Variants in MELK observed in about 807,000 individuals in gnomAD.
MELK encodes maternal embryonic leucine zipper kinase, also known as pEg3 kinase.
In MELK, 81 loss-of-function variants were observed where a neutral mutation model predicts 85.0. The observed-to-expected ratio is 0.95, with a 90% CI of 0.80 to 1.15. MELK has a LOEUF of 1.15. Ranked by LOEUF, MELK falls within the 50% of genes most tolerant of loss-of-function variation. The pLI is 0.00. For missense variants in MELK, 754 were observed against 777.5 expected, an observed-to-expected ratio of 0.97 and a Z score of 0.36; for synonymous variants, 252 against 265.0, an observed-to-expected ratio of 0.95 and a Z score of 0.48.
chr9:36,574,243 C>G (rs1451164640), intron 1 of MELK, among the ~76,000 whole-genome samples: 1 of 151,870 alleles, frequency 6.6e-6, no homozygotes, highest in Non-Finnish European at 1.5e-5. Flanking sequence ...GAAGCCTTTG[C>G]AAGGGAGCAG....
At position 36,593,232 on chromosome 9, in the gene MELK, T is replaced by C. The variant is rs543528203; in HGVS notation, c.262-1396T>C. Among the ~76,000 whole-genome samples the C allele has an allele frequency of 1.4e-3, 217 of 151,798 alleles. 1 individual carries two copies. Among genetic ancestry groups the C allele is most frequent in the African/African-American group, 5.0e-3 (208 of 41,364 alleles). Reference sequence around the variant, plus strand: ...GAATTCCATTCCGTGTCATAGTTTATATAGTATCAGCATTTAGGTCTGAAT... The same window carrying C: ...GAATTCCATTCCGTGTCATAGTTTACATAGTATCAGCATTTAGGTCTGAAT... On this transcript the variant is annotated intron_variant, in intron 4 of 17. Transcript: ENST00000298048.
intron 1 of MELK, among the ~76,000 whole-genome samples, chr9:36,576,887 G>C (rs1587293532): frequency 6.6e-6 from 1 of 152,274 alleles, no homozygotes; most frequent in Non-Finnish European, 1.5e-5. Flanking sequence ...ATGATTCATG[G>C]AATCAGTGTT....
intron 5 of MELK, among the ~76,000 whole-genome samples, chr9:36,596,563 G>GTTT (rs750016508): frequency 9.4e-6 from 1 of 106,134 alleles, no homozygotes; most frequent in African/African-American, 5.1e-5. Flanking sequence ...GGCCCTTTTT[G>GTTT]TTTTTTTTGT....
intron 13 of MELK, among the ~76,000 whole-genome samples, chr9:36,658,261 C>T (rs1382734238): frequency 6.6e-6 from 1 of 152,008 alleles, no homozygotes; most frequent in Non-Finnish European, 1.5e-5. Context: ...TTCTGGTACT[C>T]CCCTTCCATG....
intron 8 of MELK, among the ~76,000 whole-genome samples, chr9:36,616,321 A>T (rs568873671): frequency 4.0e-5 from 6 of 150,456 alleles, no homozygotes; most frequent in Non-Finnish European, 5.9e-5. Context: ...CATGGATTGG[A>T]TGAGGGGAGT....
chr9:36,629,728 A>G (rs1828329887), intron 8 of MELK, among the ~76,000 whole-genome samples: 1 of 151,198 alleles, frequency 6.6e-6, no homozygotes, highest in South Asian at 2.1e-4. Context: ...GCTGTATGAC[A>G]TTTTTGTTTT....
chr9:36,616,076 CGGCGCGGTG>C (rs1403884866), intron 8 of MELK, among the ~76,000 whole-genome samples: 2 of 152,078 alleles, frequency 1.3e-5, no homozygotes, highest in Non-Finnish European at 2.9e-5. Context: ...CGGCGCTCGC[CGGCGCGGTG>C]GCAAAGAAAA....
chr9:36,649,873 C>T (rs140741125), intron 11 of MELK, among the ~76,000 whole-genome samples: 5,238 of 152,176 alleles, frequency 0.034, 295 homozygotes, highest in African/African-American at 0.12. Context: ...TTGGTTGAGG[C>T]CAGGAGTTCA....
chr9:36,610,290 A>C (rs565204316), intron 8 of MELK, among the ~76,000 whole-genome samples: 14 of 152,354 alleles, frequency 9.2e-5, no homozygotes, highest in African/African-American at 3.4e-4. Flanking sequence ...CACTGAGTTC[A>C]ATCTTCAACT....
At chr9:36,624,493 C>T (rs1321507400) in intron 8 of MELK, among the ~76,000 whole-genome samples, 1 of 152,178 alleles carries the variant, frequency 6.6e-6, no homozygotes. Flanking sequence ...CATTCCTGTT[C>T]CAATGTGCCA....
At chr9:36,628,771 C>G (rs984139309) in intron 8 of MELK, among the ~76,000 whole-genome samples, 2 of 151,498 alleles carry the variant, frequency 1.3e-5, no homozygotes, top group Non-Finnish European at 2.9e-5. Flanking sequence ...ATATATTACT[C>G]TTTATAGTTG....
At position 36,655,896 on chromosome 9, in the gene MELK, A is replaced by G. The variant is rs536204139; in HGVS notation, c.1054-1345A>G. Reference sequence around the variant, plus strand: ...TATTGTCTGTTTGAATAGTCTAGGTATGAGAAGATTTGTCCTTGATCTAGG... The same window carrying G: ...TATTGTCTGTTTGAATAGTCTAGGTGTGAGAAGATTTGTCCTTGATCTAGG... On this transcript the variant is annotated intron_variant, in intron 12 of 17. Transcript: ENST00000298048. Among the ~76,000 whole-genome samples, 4 of 152,296 alleles carry G rather than the reference A, an allele frequency of 2.6e-5. No homozygotes were observed. In the South Asian group the frequency reaches 6.2e-4, roughly 24 times the overall value.
chr9:36,661,822 A>G (rs530834157), intron 13 of MELK, among the ~76,000 whole-genome samples: 1 of 151,872 alleles, frequency 6.6e-6, no homozygotes, highest in South Asian at 2.1e-4. Context: ...CTCTAGTCCC[A>G]GTTACTTGGG....
At chr9:36,596,562 TG>T (rs1222912048) in intron 5 of MELK, among the ~76,000 whole-genome samples, 95 of 113,692 alleles carry the variant, frequency 8.4e-4, no homozygotes, top group African/African-American at 3.8e-3. Flanking sequence ...CGGCCCTTTT[TG>T]TTTTTTTTGT....
chr9:36,663,709 A>C (rs1275068249), intron 13 of MELK, among the ~76,000 whole-genome samples: 3 of 152,132 alleles, frequency 2.0e-5, no homozygotes, highest in Non-Finnish European at 2.9e-5. Flanking sequence ...ATAGGATTTC[A>C]TTCTTTTTTA....
intron 8 of MELK, among the ~76,000 whole-genome samples, chr9:36,627,338 C>T (rs1828039293): frequency 6.6e-6 from 1 of 152,020 alleles, no homozygotes; most frequent in Admixed American, 6.6e-5. Context: ...CATTGTCAAA[C>T]AATGAATCTA....
At chr9:36,658,794 C>T (rs1476050481) in intron 13 of MELK, among the ~76,000 whole-genome samples, 5 of 151,826 alleles carry the variant, frequency 3.3e-5, no homozygotes, top group Admixed American at 1.3e-4. Flanking sequence ...CTCTGCCTCC[C>T]GGGTTCAAGC....
At chr9:36,649,600 C>T (rs977308282) in intron 11 of MELK, among the ~76,000 whole-genome samples, 2 of 152,080 alleles carry the variant, frequency 1.3e-5, no homozygotes, top group African/African-American at 4.8e-5. Context: ...GAAACCTCAT[C>T]TCTACTAAAA....
At chr9:36,584,622 C>A (rs748253141) in intron 3 of MELK, among the ~76,000 whole-genome samples, 3 of 151,572 alleles carry the variant, frequency 2.0e-5, no homozygotes, top group African/African-American at 7.3e-5. Context: ...CGTGAGGCAC[C>A]GCGCCCGGCC....
Sources: allele counts gnomAD v4.1 joint callset (sites outside exome capture counted in the v4.1 genomes callset), GRCh38; gene constraint gnomAD v4.1.1; transcripts MANE v1.5; gene names NCBI Gene and HGNC (gene_info 2026-07-23, HGNC 2026-07-21).